ZNF804A: variants seen among roughly 807,000 people sequenced by gnomAD.
ZNF804A encodes the protein zinc finger protein 804A.
In ZNF804A, 2 loss-of-function variants were observed where a neutral mutation model predicts 16.5. That is an observed-to-expected ratio of 0.12 (90% CI 0.05 to 0.38). The LOEUF (loss-of-function observed/expected upper bound fraction) is 0.38. ZNF804A is among the 10% of genes least tolerant of loss of function. ZNF804A has a pLI of 0.99. For missense variants in ZNF804A, 1,473 were observed against 1,390.7 expected (o/e 1.06, Z -0.94); for synonymous variants, 534 against 489.6 (o/e 1.09, Z -1.20).
chr2:184,694,373 G>C (rs1431066711), intron 1 of ZNF804A, among the ~76,000 whole-genome samples: 1 of 152,040 alleles, frequency 6.6e-6, no homozygotes, highest in Non-Finnish European at 1.5e-5. Flanking sequence ...CTTGTCCATG[G>C]ATGATTTATT....
chr2:184,651,294 A>G (rs1691979333), intron 1 of ZNF804A, among the ~76,000 whole-genome samples: 1 of 152,180 alleles, frequency 6.6e-6, no homozygotes, highest in South Asian at 2.1e-4. Context: ...AATTAACTCA[A>G]AATGGATTAA....
chr2:184,650,860 A>C (rs1489885962), intron 1 of ZNF804A, among the ~76,000 whole-genome samples: 1 of 152,072 alleles, frequency 6.6e-6, no homozygotes, highest in East Asian at 1.9e-4. Flanking sequence ...ATTGTTAAAA[A>C]CACTGCCCAA....
At chr2:184,910,640 A>G (rs1574267238) in intron 2 of ZNF804A, among the ~76,000 whole-genome samples, 1 of 151,822 alleles carries the variant, frequency 6.6e-6, no homozygotes, top group African/African-American at 2.4e-5. Flanking sequence ...AGAGGCTATT[A>G]TTTTTTGACT....
intron 1 of ZNF804A, among the ~76,000 whole-genome samples, chr2:184,818,055 G>T (rs971921672): frequency 6.6e-6 from 1 of 151,848 alleles, no homozygotes; most frequent in Non-Finnish European, 1.5e-5. Context: ...GAAATCCAGA[G>T]AACCCCAGTA....
chr2:184,671,473 A>C (rs549544892), intron 1 of ZNF804A, among the ~76,000 whole-genome samples: 1 of 152,214 alleles, frequency 6.6e-6, no homozygotes, highest in Admixed American at 6.5e-5. Context: ...TTGTATCTCC[A>C]CTGAAGTGAC....
At chr2:184,885,210 GA>G (rs1684869695) in intron 2 of ZNF804A, among the ~76,000 whole-genome samples, 1 of 152,096 alleles carries the variant, frequency 6.6e-6, no homozygotes, top group African/African-American at 2.4e-5. Flanking sequence ...CAAGGTTGCT[GA>G]AAAAAGGGAA....
At chr2:184,643,718 A>C (rs1209508333) in intron 1 of ZNF804A, among the ~76,000 whole-genome samples, 1 of 151,622 alleles carries the variant, frequency 6.6e-6, no homozygotes, top group Admixed American at 6.6e-5. Flanking sequence ...TTATAGGTAA[A>C]CATGTGCATA....
intron 1 of ZNF804A, among the ~76,000 whole-genome samples, chr2:184,843,286 A>G (rs1407125545): frequency 6.6e-6 from 1 of 152,022 alleles, no homozygotes; most frequent in East Asian, 1.9e-4. Flanking sequence ...TTTTTGAAAC[A>G]GAGTCTCACT....
intron 1 of ZNF804A, among the ~76,000 whole-genome samples, chr2:184,849,030 T>C (rs949943107): frequency 2.0e-5 from 3 of 151,864 alleles, no homozygotes; most frequent in Admixed American, 6.6e-5. Context: ...AAAACAAATA[T>C]ACTGCTATAT....
At chr2:184,689,896 A>G (rs1016151698) in intron 1 of ZNF804A, among the ~76,000 whole-genome samples, 1 of 152,038 alleles carries the variant, frequency 6.6e-6, no homozygotes, top group Non-Finnish European at 1.5e-5. Flanking sequence ...TGTAGTAATA[A>G]AAGAATCAGG....
chr2:184,844,441 A>G (rs891922135), intron 1 of ZNF804A, among the ~76,000 whole-genome samples: 9 of 152,010 alleles, frequency 5.9e-5, no homozygotes, highest in African/African-American at 2.2e-4. Context: ...CTTGTCTGAG[A>G]AAGTCTATTT....
At chr2:184,912,639 A>G (rs1343006538) in intron 2 of ZNF804A, among the ~76,000 whole-genome samples, 2 of 152,046 alleles carry the variant, frequency 1.3e-5, no homozygotes, top group African/African-American at 4.8e-5. Flanking sequence ...TTTAAAATTA[A>G]CAATCCTAGT....
Position 184,637,584 on chromosome 2 carries a change from A to G in ZNF804A, c.111+38514A>G, listed in dbSNP as rs188746942. Among the ~76,000 whole-genome samples, 312 of 152,298 alleles carry G rather than the reference A, an allele frequency of 2.0e-3. 1 individual carries two copies. The highest frequency in any genetic ancestry group is 7.2e-3 in the African/African-American group (299 of 41,588). On this transcript the variant is annotated intron_variant, in intron 1 of 3. Transcript: ENST00000302277. Reference sequence around the variant, plus strand: ...ATCTGTTAATAATTCTGTTCAAAACAGGAAAAGAGACAGTGCAGTATCTTA... The same window carrying G: ...ATCTGTTAATAATTCTGTTCAAAACGGGAAAAGAGACAGTGCAGTATCTTA...
chr2:184,847,984 CCT>C (rs1323526922), intron 1 of ZNF804A, among the ~76,000 whole-genome samples: 2 of 151,990 alleles, frequency 1.3e-5, no homozygotes, highest in African/African-American at 4.8e-5. Flanking sequence ...ATTTCCAGCA[CCT>C]CTGTTTTCCA....
intron 1 of ZNF804A, among the ~76,000 whole-genome samples, chr2:184,617,779 A>C (rs891705682): frequency 4.0e-5 from 6 of 151,654 alleles, no homozygotes; most frequent in African/African-American, 1.4e-4. Context: ...CATATTTTCA[A>C]ATCATTAAAA....
chr2:184,657,307 G>A (rs1435111255), intron 1 of ZNF804A, among the ~76,000 whole-genome samples: 1 of 152,006 alleles, frequency 6.6e-6, no homozygotes, highest in East Asian at 1.9e-4. Context: ...GGTTAGTCTC[G>A]AACTCCTGGA....
At chr2:184,710,278 T>C (rs1388587759) in intron 1 of ZNF804A, among the ~76,000 whole-genome samples, 1 of 151,662 alleles carries the variant, frequency 6.6e-6, no homozygotes, top group Admixed American at 6.6e-5. Flanking sequence ...CCCTCAAATA[T>C]ACCTTGTGCC....
chr2:184,929,465 T>G (rs959924349), intron 2 of ZNF804A, among the ~76,000 whole-genome samples: 1 of 152,092 alleles, frequency 6.6e-6, no homozygotes. Flanking sequence ...ATGTATTTTA[T>G]GTATTATATA....
intron 2 of ZNF804A, among the ~76,000 whole-genome samples, chr2:184,909,777 TAAG>T (rs1260101088): frequency 6.6e-6 from 1 of 151,972 alleles, no homozygotes; most frequent in Non-Finnish European, 1.5e-5. Flanking sequence ...TGATATTTAA[TAAG>T]AAGACAACTG....
Sources: gnomAD v4.1 joint callset for allele counts (sites outside exome capture counted in the v4.1 genomes callset) on GRCh38, gnomAD v4.1.1 for gene constraint, MANE v1.5 for transcripts, NCBI Gene and HGNC (gene_info 2026-07-23, HGNC 2026-07-21) for gene names.